Variants in CRISP1 observed in about 807,000 individuals in gnomAD.
CRISP1 encodes cysteine rich secretory protein 1, also known as cysteine-rich secretory protein 1.
A neutral mutation model predicts 33.1 loss-of-function variants in CRISP1; 44 were observed. The observed-to-expected ratio is 1.33, with a 90% confidence interval of 1.05 to 1.71. The LOEUF (loss-of-function observed/expected upper bound fraction) is 1.71. Among genes scored for constraint, CRISP1 ranks in the 40% most tolerant of loss-of-function variants. CRISP1 has a pLI of 0.00. For missense variants in CRISP1, 390 were observed against 301.2 expected, an observed-to-expected ratio of 1.29 and a Z score of -2.18; for synonymous variants, 103 against 98.7, an observed-to-expected ratio of 1.04 and a Z score of -0.26.
chr6:49,874,969 AG>A (rs1217788919), intron 1 of CRISP1, among the ~76,000 whole-genome samples: 2 of 152,112 alleles, frequency 1.3e-5, no homozygotes, highest in African/African-American at 4.8e-5. Flanking sequence ...AATGGGCAAA[AG>A]CTGGAAACAT....
intron 1 of CRISP1, among the ~76,000 whole-genome samples, chr6:49,859,188 G>A (rs551570602): frequency 6.6e-6 from 1 of 152,134 alleles, no homozygotes; most frequent in Non-Finnish European, 1.5e-5. Flanking sequence ...AGTTCACGGT[G>A]GGTCCCACGG....
At chr6:49,868,611 T>C (rs1468468166), upstream of CRISP1, among the ~76,000 whole-genome samples, 1 of 152,176 alleles carries the variant, frequency 6.6e-6, no homozygotes, top group Non-Finnish European at 1.5e-5. Context: ...ATCATATTTG[T>C]AAAATAATTT....
intron 2 of CRISP1, among the ~76,000 whole-genome samples, chr6:49,853,958 TAACTC>T (rs1771424169): frequency 6.6e-6 from 1 of 152,184 alleles, no homozygotes; most frequent in Non-Finnish European, 1.5e-5. Flanking sequence ...AATAGTTCCT[TAACTC>T]TGCTAATCAA....
At chr6:49,870,898 A>G (rs547392678), upstream of CRISP1, among the ~76,000 whole-genome samples, 33 of 152,178 alleles carry the variant, frequency 2.2e-4, no homozygotes, top group South Asian at 5.4e-3. Flanking sequence ...GCTGTTTGAG[A>G]CCAGCCTGGC....
rs537421769 is a variant in CRISP1, at chr6:49,865,383, T to G, written c.-3+1046A>C. 2.6e-5 allele frequency among the ~76,000 whole-genome samples: 4 copies of G among 152,194 alleles called. 1 individual carries two copies. The South Asian group carries it at 8.3e-4, about 32-fold the overall frequency. ...AGATTTAAATGTGAGTACCATCTTA[T>G]TTTTACAAATCTAAATGTGCAAACT... is the stretch of plus-strand genomic sequence containing the variant. On this transcript the variant is annotated intron_variant, in intron 1 of 7. Transcript: ENST00000335847.
At chr6:49,839,689 T>A (rs758025384) in intron 6 of CRISP1, among the ~76,000 whole-genome samples, 7 of 152,186 alleles carry the variant, frequency 4.6e-5, no homozygotes, top group Non-Finnish European at 7.3e-5. Context: ...CCAAGAAAAT[T>A]CCCCATCATA....
chr6:49,861,475 A>G (rs763634942), intron 1 of CRISP1, among the ~76,000 whole-genome samples: 1 of 152,214 alleles, frequency 6.6e-6, no homozygotes, highest in South Asian at 2.1e-4. Context: ...GACATATCAC[A>G]TTAACAAAAT....
chr6:49,837,331 T>C (rs1337090346), intron 7 of CRISP1, among the ~76,000 whole-genome samples: 1 of 152,194 alleles, frequency 6.6e-6, no homozygotes, highest in African/African-American at 2.4e-5. Context: ...TACTCTTCTT[T>C]CACTTCTATT....
intron 5 of CRISP1, among the ~76,000 whole-genome samples, chr6:49,845,064 T>A (rs1771115817): frequency 6.6e-6 from 1 of 152,170 alleles, no homozygotes; most frequent in African/African-American, 2.4e-5. Flanking sequence ...AATGGTACAA[T>A]GTTATGAGCT....
chr6:49,841,026 A>G (rs750589764), intron 5 of CRISP1, 31 bp from the exon 6 acceptor site: 1 of 1,537,002 alleles, frequency 6.5e-7, no homozygotes, highest in Non-Finnish European at 9.0e-7. Flanking sequence ...TTTATTACAG[A>G]TTAAATATTT....
chr6:49,870,941 A>G (rs1483887397), upstream of CRISP1, among the ~76,000 whole-genome samples: 2 of 151,998 alleles, frequency 1.3e-5, no homozygotes, highest in African/African-American at 4.8e-5. Context: ...TGCCTACTAA[A>G]AATACAAAAA....
intron 2 of CRISP1, among the ~76,000 whole-genome samples, chr6:49,852,600 T>C (rs931132761): frequency 1.3e-5 from 2 of 152,130 alleles, no homozygotes; most frequent in Non-Finnish European, 2.9e-5. Context: ...AAGAGATTCA[T>C]TATTGAGGAC....
In CRISP1 at chr6:49,838,484, C is replaced by T; in HGVS notation, c.575G>A (p.Gly192Asp). The T allele has an allele frequency of 6.2e-7, 1 of 1,613,324 alleles. No individual in the cohort carries two copies. The highest frequency in any genetic ancestry group is 8.5e-7 in the Non-Finnish European group (1 of 1,179,670). ...PETKNEPYKT[G>D]VPCEACPSNC... ...ACTTGGGCAGGCTTCACATGGGACG[C>T]CTGTCTTATAAGGTTCATTCTTTGT... Residue 192 changes from glycine to aspartate, a missense_variant, in exon 7 of 8, where the codon GGC (glycine) becomes GAC (aspartate). Gly to Asp is a moderately conservative substitution (Grantham distance 94). Transcript: ENST00000335847.
chr6:49,852,595 A>G (rs919771609), intron 2 of CRISP1, among the ~76,000 whole-genome samples: 9 of 152,100 alleles, frequency 5.9e-5, no homozygotes, highest in African/African-American at 2.2e-4. Flanking sequence ...AAACTAAGAG[A>G]TTCATTATTG....
chr6:49,876,853 G>A (rs12198437), intron 1 of CRISP1, among the ~76,000 whole-genome samples: 14,715 of 151,962 alleles, frequency 0.097, 996 homozygotes, highest in Non-Finnish European at 0.15. Context: ...ATGGACACAT[G>A]AGGGGGAACA....
At chr6:49,847,446 T>C (rs985106001) in intron 4 of CRISP1, among the ~76,000 whole-genome samples, 2 of 151,970 alleles carry the variant, frequency 1.3e-5, no homozygotes, top group Non-Finnish European at 2.9e-5. Context: ...TGTTTAAAAG[T>C]ATGTGGCACC....
At position 49,848,894 on chromosome 6, in the gene CRISP1, T is replaced by C. The variant is rs138828216; in HGVS notation, c.196-595A>G. On this transcript the variant is annotated intron_variant, in intron 3 of 7. Coordinates refer to ENST00000335847, the MANE Select transcript of CRISP1 (RefSeq NM_001131.3). ...TGTATCTTCTCTCACTTTAACCTCA[T>C]GGCAACTCTACAAAAAAAAAATATT... Among the ~76,000 whole-genome samples the C allele has an allele frequency of 5.6e-3, 841 of 150,878 alleles. 10 individuals are homozygous for C. Among genetic ancestry groups the C allele is most frequent in the Non-Finnish European group, 5.1e-3 (345 of 67,158 alleles).
At chr6:49,841,477 G>A (rs1461345328) in intron 5 of CRISP1, among the ~76,000 whole-genome samples, 2 of 152,092 alleles carry the variant, frequency 1.3e-5, no homozygotes, top group African/African-American at 2.4e-5. Context: ...ACATGACTGT[G>A]CATGGGATTC....
At chr6:49,841,951 G>T (rs1456325529) in intron 5 of CRISP1, among the ~76,000 whole-genome samples, 1 of 152,128 alleles carries the variant, frequency 6.6e-6, no homozygotes, top group South Asian at 2.1e-4. Context: ...AAGTGTGATT[G>T]TTCTCACTCG....
Sources: allele counts gnomAD v4.1 joint callset (sites outside exome capture counted in the v4.1 genomes callset), GRCh38; gene constraint gnomAD v4.1.1; transcripts MANE v1.5; gene names NCBI Gene and HGNC (gene_info 2026-07-23, HGNC 2026-07-21).